PTPRT: variants seen among roughly 807,000 people sequenced by gnomAD.
The protein encoded by PTPRT is receptor-type tyrosine-protein phosphatase T.
PTPRT carries 56 observed loss-of-function variants against 176.8 expected under a neutral mutation model. The ratio of observed to expected loss-of-function variants is 0.32; its 90% CI spans 0.26 to 0.40. The LOEUF (loss-of-function observed/expected upper bound fraction) is 0.40. Among genes scored for constraint, PTPRT ranks in the 10% least tolerant of loss-of-function variants. The pLI is 1.00. For missense variants in PTPRT, 1,540 were observed against 1,908.2 expected (o/e 0.81, Z 3.60); for synonymous variants, 783 against 739.0 (o/e 1.06, Z -0.96).
At chr20:43,133,226 C>T (rs181382437) in intron 1 of PTPRT, among the ~76,000 whole-genome samples, 23 of 152,222 alleles carry the variant, frequency 1.5e-4, no homozygotes, top group African/African-American at 5.5e-4. Context: ...CATGCATAAA[C>T]TATTCCTCAG....
chr20:42,182,969 C>T (rs1023071441), intron 16 of PTPRT, among the ~76,000 whole-genome samples: 3 of 150,394 alleles, frequency 2.0e-5, no homozygotes, highest in African/African-American at 7.3e-5. Flanking sequence ...TGTGCACCAG[C>T]ATTTTGTGCT....
At chr20:42,039,703 G>GTATATATATATAT in the PTPRT span, among the ~76,000 whole-genome samples, 2 of 119,630 alleles carry the variant, frequency 1.7e-5, no homozygotes, top group Non-Finnish European at 3.6e-5. Context: ...TATATATATA[G>GTATATATATATAT]TAATGTATAT....
At chr20:42,222,085 C>T (rs1368154190) in intron 15 of PTPRT, among the ~76,000 whole-genome samples, 3 of 152,174 alleles carry the variant, frequency 2.0e-5, no homozygotes, top group East Asian at 1.9e-4. Context: ...TGCACTCAGA[C>T]CTGTAAAGTG....
chr20:42,070,003 C>T (rs1472775450), downstream of PTPRT, among the ~76,000 whole-genome samples: 9 of 152,122 alleles, frequency 5.9e-5, no homozygotes, highest in Admixed American at 5.9e-4. Flanking sequence ...GCCACTCAGG[C>T]CAAGCCTTTG....
At chr20:42,195,393 A>G (rs73120412) in intron 16 of PTPRT, among the ~76,000 whole-genome samples, 25,100 of 152,216 alleles carry the variant, frequency 0.16, 2,610 homozygotes, top group Non-Finnish European at 0.22. Context: ...TCACTTCCCT[A>G]ATGCCACAAA....
intron 1 of PTPRT, among the ~76,000 whole-genome samples, chr20:43,055,668 T>A (rs77625140): frequency 0.071 from 10,840 of 152,300 alleles, 476 homozygotes; most frequent in Middle Eastern, 0.14. Flanking sequence ...TGACCAGAAT[T>A]GTCTGCATTC....
chr20:42,252,530 T>C (rs6072670), intron 13 of PTPRT, among the ~76,000 whole-genome samples: 147,892 of 152,220 alleles, frequency 0.97, 72,023 homozygotes, highest in African/African-American at 0.99. Context: ...GAAGTAAACC[T>C]GGGAGAGTGT....
intron 2 of PTPRT, among the ~76,000 whole-genome samples, chr20:42,876,062 C>A (rs2078924797): frequency 6.6e-6 from 1 of 152,178 alleles, no homozygotes; most frequent in African/African-American, 2.4e-5. Flanking sequence ...TCCTCCTTCA[C>A]TCTCTCCCTT....
At chr20:42,388,408 A>G (rs926681830) in intron 9 of PTPRT, among the ~76,000 whole-genome samples, 2 of 152,186 alleles carry the variant, frequency 1.3e-5, no homozygotes, top group Admixed American at 6.5e-5. Context: ...GAATCTACAA[A>G]GCACTTAAAC....
intron 6 of PTPRT, among the ~76,000 whole-genome samples, chr20:42,693,466 A>C (rs2075822556): frequency 6.6e-6 from 1 of 152,238 alleles, no homozygotes; most frequent in African/African-American, 2.4e-5. Context: ...TTTATTATTA[A>C]GCTACAATAA....
intron 7 of PTPRT, among the ~76,000 whole-genome samples, chr20:42,516,504 G>A (rs1031434950): frequency 1.3e-5 from 2 of 152,032 alleles, no homozygotes; most frequent in African/African-American, 4.8e-5. Flanking sequence ...TGCTGTATAG[G>A]TTTATATTAC....
chr20:43,045,587 A>G (rs3092739), intron 1 of PTPRT, among the ~76,000 whole-genome samples: 47,601 of 149,410 alleles, frequency 0.32, 10,577 homozygotes, highest in African/African-American at 0.63. Flanking sequence ...CCAAGTAGCT[A>G]GGACTACAAG....
intron 9 of PTPRT, among the ~76,000 whole-genome samples, chr20:42,377,042 G>A (rs1321753146): frequency 6.6e-6 from 1 of 152,188 alleles, no homozygotes; most frequent in East Asian, 1.9e-4. Flanking sequence ...AAGGCTGTCA[G>A]ATGCGTGTCT....
chr20:42,902,576 C>G (rs208213), intron 1 of PTPRT, among the ~76,000 whole-genome samples: 9,346 of 152,192 alleles, frequency 0.061, 840 homozygotes, highest in African/African-American at 0.19. Context: ...GCCTTTGGTG[C>G]CCACTCAATA....
chr20:43,121,076 C>T (rs2013241388), intron 1 of PTPRT, among the ~76,000 whole-genome samples: 1 of 151,556 alleles, frequency 6.6e-6, no homozygotes. Context: ...ATGAGTATTG[C>T]CTGTTTTTGA....
intron 7 of PTPRT, among the ~76,000 whole-genome samples, chr20:42,669,657 A>G (rs2075379937): frequency 6.6e-6 from 1 of 152,178 alleles, no homozygotes; most frequent in African/African-American, 2.4e-5. Context: ...AGACTAGTTA[A>G]GTGATGCTGT....
At chr20:43,127,053 A>G (rs2013466222) in intron 1 of PTPRT, among the ~76,000 whole-genome samples, 1 of 152,212 alleles carries the variant, frequency 6.6e-6, no homozygotes, top group African/African-American at 2.4e-5. Context: ...TTTGTGGGGT[A>G]GATTTACTTA....
At chr20:42,057,128 C>T in the PTPRT span, among the ~76,000 whole-genome samples, 1 of 152,190 alleles carries the variant, frequency 6.6e-6, no homozygotes, top group African/African-American at 2.4e-5. Context: ...AAGACAGGCC[C>T]ATCCATGAAG....
At chr20:42,458,489 G>A (rs1363127063) in intron 8 of PTPRT, among the ~76,000 whole-genome samples, 1 of 152,100 alleles carries the variant, frequency 6.6e-6, no homozygotes, top group South Asian at 2.1e-4. Context: ...GATTTGATAT[G>A]TTAATATACA....
Sources: allele counts gnomAD v4.1 joint callset (sites outside exome capture counted in the v4.1 genomes callset), GRCh38; gene constraint gnomAD v4.1.1; transcripts MANE v1.5; gene names NCBI Gene and HGNC (gene_info 2026-07-23, HGNC 2026-07-21).